DNER: variants seen among roughly 807,000 people sequenced by gnomAD.
DNER encodes delta/notch like EGF repeat containing.
Under a neutral mutation model 78.2 loss-of-function variants are expected in DNER, and 33 were observed. That is an observed-to-expected ratio of 0.42 (90% confidence interval 0.32 to 0.56). The LOEUF is 0.56. DNER is among the 20% of genes least tolerant of loss of function. The pLI is 0.11. For synonymous variants in DNER, 417 were observed against 384.8 expected (o/e 1.08, Z -0.98); for missense variants, 918 against 975.3 (o/e 0.94, Z 0.78).
chr2:229,615,411 T>TAAA (rs765871543), intron 1 of DNER, among the ~76,000 whole-genome samples: 1 of 116,558 alleles, frequency 8.6e-6, no homozygotes, highest in Non-Finnish European at 1.8e-5. Flanking sequence ...AACTCCGTCT[T>TAAA]AAAAAAAAAA....
intron 1 of DNER, among the ~76,000 whole-genome samples, chr2:229,708,936 G>A (rs1238615874): frequency 6.6e-6 from 1 of 152,014 alleles, no homozygotes; most frequent in Non-Finnish European, 1.5e-5. Context: ...CATTTCAAAA[G>A]AAAACTTCAA....
chr2:229,488,376 A>G (rs1695322681), intron 6 of DNER, among the ~76,000 whole-genome samples: 1 of 152,098 alleles, frequency 6.6e-6, no homozygotes. Flanking sequence ...ACATTTGTAT[A>G]TGTGTGTACA....
chr2:229,492,239 T>C (rs1695416102), intron 6 of DNER, among the ~76,000 whole-genome samples: 1 of 151,706 alleles, frequency 6.6e-6, no homozygotes, highest in African/African-American at 2.4e-5. Flanking sequence ...CCAGAAGGAG[T>C]TAAGAAAGGT....
chr2:229,503,088 C>A (rs1276665676), intron 6 of DNER, among the ~76,000 whole-genome samples: 1 of 152,190 alleles, frequency 6.6e-6, no homozygotes, highest in Non-Finnish European at 1.5e-5. Flanking sequence ...ACTAGGGCCA[C>A]AACTGCAAGT....
At chr2:229,500,886 A>G (rs2154211950) in intron 6 of DNER, among the ~76,000 whole-genome samples, 1 of 152,212 alleles carries the variant, frequency 6.6e-6, no homozygotes, top group South Asian at 2.1e-4. Flanking sequence ...AGTCCATTGT[A>G]TCATTCTTAT....
chr2:229,560,767 G>A (rs562183451), intron 4 of DNER, among the ~76,000 whole-genome samples: 2 of 152,200 alleles, frequency 1.3e-5, no homozygotes, highest in Non-Finnish European at 1.5e-5. Context: ...ACCCAGTCCA[G>A]GGTGGCAATG....
intron 4 of DNER, among the ~76,000 whole-genome samples, chr2:229,550,424 T>C (rs1343966132): frequency 6.6e-6 from 1 of 152,174 alleles, no homozygotes; most frequent in Non-Finnish European, 1.5e-5. Context: ...GAATACACAG[T>C]CCCAAAATGA....
intron 12 of DNER, among the ~76,000 whole-genome samples, chr2:229,361,136 C>G (rs946887173): frequency 2.6e-5 from 4 of 152,126 alleles, no homozygotes; most frequent in Non-Finnish European, 5.9e-5. Context: ...TTGTTTGAAT[C>G]TCCTACACCT....
chr2:229,605,004 AAAG>A (rs1471206658), intron 1 of DNER, among the ~76,000 whole-genome samples: 2 of 152,232 alleles, frequency 1.3e-5, no homozygotes, highest in African/African-American at 2.4e-5. Flanking sequence ...GCAAGATTAA[AAAG>A]AGGATCTTTG....
At chr2:229,377,972 C>T in intron 11 of DNER, among the ~76,000 whole-genome samples, 1 of 152,078 alleles carries the variant, frequency 6.6e-6, no homozygotes, top group Admixed American at 6.6e-5. Context: ...TCTGGACAAG[C>T]TCAATGCAAC....
intron 9 of DNER, among the ~76,000 whole-genome samples, chr2:229,417,387 G>A (rs1308888121): frequency 1.3e-5 from 2 of 152,200 alleles, no homozygotes; most frequent in Non-Finnish European, 2.9e-5. Context: ...CGTAGTTATG[G>A]CTTAGAGAAA....
At chr2:229,443,123 C>T (rs1045519242) in intron 8 of DNER, among the ~76,000 whole-genome samples, 2 of 152,096 alleles carry the variant, frequency 1.3e-5, no homozygotes, top group Admixed American at 6.5e-5. Context: ...CATATTTCCA[C>T]GTAAAAATCT....
intron 1 of DNER, among the ~76,000 whole-genome samples, chr2:229,602,185 T>G (rs186833290): frequency 8.5e-5 from 13 of 152,218 alleles, no homozygotes; most frequent in African/African-American, 3.1e-4. Context: ...TCTTTCGTAC[T>G]CAGGAAAAGA....
intron 10 of DNER, among the ~76,000 whole-genome samples, chr2:229,390,720 C>T (rs765700723): frequency 1.8e-4 from 27 of 152,232 alleles, no homozygotes; most frequent in Non-Finnish European, 2.8e-4. Context: ...GATTAAATGA[C>T]GCAAATTAAT....
intron 1 of DNER, among the ~76,000 whole-genome samples, chr2:229,625,497 T>C (rs1164259012): frequency 5.3e-5 from 8 of 152,090 alleles, no homozygotes. Flanking sequence ...CACCGAGTCA[T>C]ATCAAAGGCC....
Position 229,672,629 on chromosome 2 carries a change from A to G in DNER, c.276+41519T>C, listed in dbSNP as rs141622247. ...GAGGGAGGGAGAGAAGAAGAGAAAG[A>G]GAGAAAGATAGAGAAAGGACTTGAG... is the stretch of plus-strand genomic sequence containing the variant. On this transcript the variant is annotated intron_variant, in intron 1 of 12. Coordinates refer to ENST00000341772, the MANE Select transcript of DNER (RefSeq NM_139072.4). Among the ~76,000 whole-genome samples, 506 of 151,962 alleles carry G rather than the reference A, an allele frequency of 3.3e-3. 3 individuals carry two copies. The highest frequency in any genetic ancestry group is 5.5e-3 in the Admixed American group (84 of 15,258).
intron 1 of DNER, among the ~76,000 whole-genome samples, chr2:229,707,787 C>A (rs570509551): frequency 6.6e-6 from 1 of 152,340 alleles, no homozygotes; most frequent in South Asian, 2.1e-4. Flanking sequence ...GTCTAGACTG[C>A]CAGCTCATGC....
At chr2:229,424,816 A>G (rs2106352057) in intron 8 of DNER, among the ~76,000 whole-genome samples, 1 of 152,256 alleles carries the variant, frequency 6.6e-6, no homozygotes, top group South Asian at 2.1e-4. Context: ...TTTGGACCAG[A>G]TCATAATCGC....
intron 4 of DNER, among the ~76,000 whole-genome samples, chr2:229,557,440 G>A (rs1696872438): frequency 6.6e-6 from 1 of 152,204 alleles, no homozygotes; most frequent in Non-Finnish European, 1.5e-5. Context: ...AAGTAGCAGT[G>A]AGAATGACAG....
Sources: allele counts gnomAD v4.1 joint callset (sites outside exome capture counted in the v4.1 genomes callset), GRCh38; gene constraint gnomAD v4.1.1; transcripts MANE v1.5; gene names NCBI Gene and HGNC (gene_info 2026-07-23, HGNC 2026-07-21).